DNAAF5: variants seen among roughly 807,000 people sequenced by gnomAD.
DNAAF5 encodes the protein HEAT repeat containing 2.
Under a neutral mutation model 75.8 loss-of-function variants are expected in DNAAF5, and 64 were observed. The observed-to-expected ratio is 0.84, with a 90% CI of 0.69 to 1.04. The LOEUF is 1.04. Ranked by LOEUF, DNAAF5 falls within the 50% of genes least tolerant of loss-of-function variation. The probability of loss-of-function intolerance (pLI) is 0.00; values close to 1 mark genes in which losing one functional copy is unlikely to be tolerated. For synonymous variants in DNAAF5, 657 were observed against 557.2 expected (o/e 1.18, Z -2.52); for missense variants, 1,269 against 1,178.5 (o/e 1.08, Z -1.12).
chr7:770,165 TG>T lies in DNAAF5; in HGVS notation c.1784-304del, dbSNP rs546543553. ...TGGGGTTTCACCATGTTGACCAGGC[TG>T]GTCTCAAACTCTGGACCTCAGGTGA... On this transcript the variant is annotated intron_variant, in intron 8 of 12. Transcript: ENST00000297440. Among the ~76,000 whole-genome samples, 598 of 152,316 alleles carry T rather than the reference TG, an allele frequency of 3.9e-3. 8 individuals carry two copies. Among genetic ancestry groups the T allele is most frequent in the African/African-American group, 0.014 (568 of 41,558 alleles).
At chr7:767,661 C>G (rs1347428215) in intron 8 of DNAAF5, among the ~76,000 whole-genome samples, 1 of 152,148 alleles carries the variant, frequency 6.6e-6, no homozygotes, top group East Asian at 1.9e-4. Context: ...GCAGAAGTGT[C>G]CGTGCTGCAA....
At chr7:759,447 C>A (rs1782579490) in intron 6 of DNAAF5, among the ~76,000 whole-genome samples, 1 of 152,174 alleles carries the variant, frequency 6.6e-6, no homozygotes, top group Admixed American at 6.5e-5. Context: ...CGATTTGCTT[C>A]TCACACAGGG....
At position 739,784 on chromosome 7, in the gene DNAAF5, G is replaced by A. The variant is rs902206499; in HGVS notation, c.781-1035G>A. On this transcript the variant is annotated intron_variant, in intron 2 of 12. Transcript: ENST00000297440. ...GCCCGGGTCCCAGGCCGGCAGGGGC[G>A]GATCCTAGGTGCGTCTGCTTGGCTC... 1.8e-4 allele frequency among the ~76,000 whole-genome samples: 28 copies of A among 152,290 alleles called. 1 individual carries two copies. The highest frequency in any genetic ancestry group is 7.8e-4 in the Admixed American group (12 of 15,304).
intron 4 of DNAAF5, among the ~76,000 whole-genome samples, chr7:742,450 T>C (rs1231833745): frequency 1.5e-5 from 1 of 66,266 alleles, no homozygotes; most frequent in Non-Finnish European, 3.0e-5. Context: ...AAATCAATCA[T>C]GCCCAGCTCA....
chr7:756,775 C>G lies in DNAAF5; in HGVS notation c.1258-7C>G. 8 of 1,611,920 alleles carry G rather than the reference C, an allele frequency of 5.0e-6. No homozygotes were observed. Among genetic ancestry groups the G allele is most frequent in the Non-Finnish European group, 6.8e-6 (8 of 1,178,586 alleles). On this transcript the variant is annotated splice_polypyrimidine_tract_variant and splice_region_variant and intron_variant, in intron 5 of 12. Transcript: ENST00000297440. ...GCTCTGAGTTTTCTCATGTTTCTTT[C>G]TCGCAGTGTACCAGATCCGCAGAGC...
intron 8 of DNAAF5, among the ~76,000 whole-genome samples, chr7:767,997 G>A (rs1778386476): frequency 1.3e-5 from 2 of 151,250 alleles, no homozygotes; most frequent in South Asian, 2.1e-4. Flanking sequence ...GTAGACACGT[G>A]GCCCGGGCGG....
chr7:774,367 C>T lies in DNAAF5; in HGVS notation c.2082+169C>T, dbSNP rs1015047922. On this transcript the variant is annotated intron_variant, in intron 10 of 12. Coordinates refer to ENST00000297440, the MANE Select transcript of DNAAF5 (RefSeq NM_017802.4). ...ACACTGGCGGCGGAAGGGCAGGAGC[C>T]GGCGGCCGGGCTGCGGTTCAGACAG... Among the ~76,000 whole-genome samples, 7 of 152,332 alleles carry T rather than the reference C, an allele frequency of 4.6e-5. No homozygotes were observed. In the South Asian group the frequency reaches 1.4e-3, roughly 32 times the overall value.
chr7:748,356 C>A (rs565653199), intron 4 of DNAAF5, among the ~76,000 whole-genome samples: 1 of 152,194 alleles, frequency 6.6e-6, no homozygotes, highest in East Asian at 1.9e-4. Flanking sequence ...TTTTACTTTG[C>A]GATTCCCTAA....
intron 4 of DNAAF5, among the ~76,000 whole-genome samples, chr7:743,374 AAAACAAAC>A (rs145813645): frequency 1.3e-5 from 2 of 150,382 alleles, no homozygotes; most frequent in Admixed American, 6.6e-5. Context: ...GACCCCGTTT[AAAACAAAC>A]AAACAAACAA....
chr7:736,556 CT>C (rs1781745299), intron 2 of DNAAF5, among the ~76,000 whole-genome samples: 1 of 152,192 alleles, frequency 6.6e-6, no homozygotes. Flanking sequence ...TATGGAATAT[CT>C]TTTTTCGCAT....
chr7:754,439 G>A lies in DNAAF5; in HGVS notation c.1025-150G>A. The stretch of plus-strand genomic sequence containing the variant: ...CTCTGTGAATGTTCTGAACGACGGG[G>A]CATTTGTCAGCTTTGCGTCCACCCC... On this transcript the variant is annotated intron_variant, in intron 4 of 12. Transcript: ENST00000297440. This position sits in a 1 kb window ranked among gnomAD's most constrained non-coding sequence, Gnocchi z 4.8. The A allele has an allele frequency of 1.4e-6, 1 of 722,144 alleles. No individual in the cohort carries two copies. The highest frequency in any genetic ancestry group is 2.1e-5 in the Admixed American group (1 of 46,804). The allele number at this position is 722,144 out of a possible 1,614,324, so 44.7% of individuals were successfully genotyped here.
intron 1 of DNAAF5, 174 bp downstream of exon 1, chr7:727,489 C>A: frequency 3.3e-6 from 1 of 301,918 alleles, no homozygotes; most frequent in Non-Finnish European, 5.8e-6. Flanking sequence ...CCCCAAAGCA[C>A]CCCGCCCGGC....
intron 11 of DNAAF5, among the ~76,000 whole-genome samples, chr7:779,091 A>G (rs1388512729): frequency 6.6e-6 from 1 of 152,276 alleles, no homozygotes; most frequent in African/African-American, 2.4e-5. Context: ...CTGGCTTGGT[A>G]GGATGGCCTG....
intron 4 of DNAAF5, among the ~76,000 whole-genome samples, chr7:753,901 G>A (rs1313491415): frequency 8.0e-6 from 1 of 125,466 alleles, no homozygotes; most frequent in African/African-American, 3.1e-5. Context: ...TCATCATATG[G>A]CGATGGCTTC....
chr7:749,067 C>T (rs780157403), intron 4 of DNAAF5, among the ~76,000 whole-genome samples: 8 of 152,018 alleles, frequency 5.3e-5, no homozygotes, highest in Non-Finnish European at 7.4e-5. Flanking sequence ...GCAGACACAG[C>T]GTAAGTTTCC....
Position 754,207 on chromosome 7 carries a change from C to T in DNAAF5, c.1025-382C>T, listed in dbSNP as rs1782411109. Among the ~76,000 whole-genome samples, 1 of 152,236 alleles carries T rather than the reference C, an allele frequency of 6.6e-6. No individual in the cohort carries two copies. Among genetic ancestry groups the T allele is most frequent in the South Asian group, 2.1e-4 (1 of 4,836 alleles). ...TGAGACAGGGTCTCGCTCTGTCACC[C>T]AGGCTGGAGTGCTGTGGCGCAATCC... On this transcript the variant is annotated intron_variant, in intron 4 of 12. Transcript: ENST00000297440. This position sits in a 1 kb window ranked among gnomAD's most constrained non-coding sequence, Gnocchi z 4.8.
intron 11 of DNAAF5, among the ~76,000 whole-genome samples, chr7:776,335 CA>C (rs574028405): frequency 6.2e-5 from 9 of 146,238 alleles, no homozygotes; most frequent in Admixed American, 1.4e-4. Context: ...GACTCCATCT[CA>C]AAAAAAAAAG....
At chr7:741,934 C>A (rs1181024423) in intron 4 of DNAAF5, among the ~76,000 whole-genome samples, 1 of 152,192 alleles carries the variant, frequency 6.6e-6, no homozygotes, top group African/African-American at 2.4e-5. Context: ...TTCATGGTTC[C>A]ACATGATTTC....
chr7:743,290 G>A (rs543146117), intron 4 of DNAAF5, among the ~76,000 whole-genome samples: 25 of 152,222 alleles, frequency 1.6e-4, no homozygotes, highest in African/African-American at 3.6e-4. Flanking sequence ...TGGGAGGATC[G>A]CTTGGGTCCA....
Sources: gnomAD v4.1 joint callset for allele counts (sites outside exome capture counted in the v4.1 genomes callset) on GRCh38, gnomAD v4.1.1 for gene constraint, Gnocchi (gnomAD v3.1) non-coding constraint, MANE v1.5 for transcripts, NCBI Gene and HGNC (gene_info 2026-07-23, HGNC 2026-07-21) for gene names.